Variants in LMF1 observed in about 807,000 individuals in gnomAD.
LMF1 encodes the protein lipase maturation factor 1.
A neutral mutation model predicts 60.6 loss-of-function variants in LMF1; 68 were observed. That is an observed-to-expected ratio of 1.12 (90% CI 0.92 to 1.37). LMF1 has a LOEUF of 1.37. Among genes scored for constraint, LMF1 ranks in the 40% most tolerant of loss-of-function variants. The probability of loss-of-function intolerance (pLI) is 0.00; values close to 1 mark genes in which losing one functional copy is unlikely to be tolerated. For missense variants in LMF1, 948 were observed against 767.2 expected, an observed-to-expected ratio of 1.24 and a Z score of -2.78; for synonymous variants, 418 against 324.7, an observed-to-expected ratio of 1.29 and a Z score of -3.09.
intron 3 of LMF1, among the ~76,000 whole-genome samples, chr16:918,401 G>A (rs2071337773): frequency 6.6e-6 from 1 of 152,218 alleles, no homozygotes. Flanking sequence ...ATCTTTATTG[G>A]TTTTGGATAA....
chr16:954,172 A>T (rs2072604038), intron 2 of LMF1, 185 bp downstream of exon 2: 1 of 716,776 alleles, frequency 1.4e-6, no homozygotes, highest in Non-Finnish European at 2.5e-6. Flanking sequence ...TTAATCCTGA[A>T]GATGGGTGGC....
chr16:978,045 CA>C, intron 1 of LMF1, among the ~76,000 whole-genome samples: 1 of 36,180 alleles, frequency 2.8e-5, no homozygotes, highest in East Asian at 5.2e-4. Flanking sequence ...ACACATCACA[CA>C]CACACAAACA....
intron 1 of LMF1, among the ~76,000 whole-genome samples, chr16:959,828 G>T (rs993592915): frequency 3.9e-5 from 6 of 152,032 alleles, no homozygotes; most frequent in Non-Finnish European, 8.8e-5. Flanking sequence ...GGGCCAGCAG[G>T]GAAGACTGGA....
At chr16:970,716 C>T in intron 1 of LMF1, 72 bp downstream of exon 1, 1 of 1,400,352 alleles carries the variant, frequency 7.1e-7, no homozygotes, top group South Asian at 1.3e-5. Context: ...GCGGAGGAGT[C>T]TCGAGGGAGG....
chr16:865,705 GTTC>G (rs769883098), intron 10 of LMF1, among the ~76,000 whole-genome samples: 4 of 152,154 alleles, frequency 2.6e-5, no homozygotes, highest in Non-Finnish European at 5.9e-5. Context: ...GAAGTTTTCA[GTTC>G]TTATTTCTCC....
chr16:959,884 G>C (rs1003783008), intron 1 of LMF1, among the ~76,000 whole-genome samples: 15 of 152,340 alleles, frequency 9.8e-5, no homozygotes, highest in African/African-American at 3.6e-4. Context: ...CCATGTTCCA[G>C]GACGGAAGGC....
At chr16:915,037 C>T (rs922384276) in intron 3 of LMF1, among the ~76,000 whole-genome samples, 4 of 152,376 alleles carry the variant, frequency 2.6e-5, no homozygotes, top group South Asian at 2.1e-4. Flanking sequence ...GGGCATCCCC[C>T]GAGGCCTGAG....
chr16:970,627 T>TCCTGCCCTG (rs979443998), intron 1 of LMF1, among the ~76,000 whole-genome samples, 161 bp downstream of exon 1: 2 of 151,978 alleles, frequency 1.3e-5, no homozygotes, highest in African/African-American at 4.8e-5. Flanking sequence ...GCAAGCCTTG[T>TCCTGCCCTG]CCTGCCCTGC....
At chr16:963,304 C>T (rs909804931) in intron 1 of LMF1, among the ~76,000 whole-genome samples, 23 of 152,102 alleles carry the variant, frequency 1.5e-4, no homozygotes, top group Non-Finnish European at 3.2e-4. Flanking sequence ...CCCTCAGCCC[C>T]GGCGGCCACA....
chr16:879,249 G>A (rs1198571280), intron 6 of LMF1, among the ~76,000 whole-genome samples: 1 of 152,200 alleles, frequency 6.6e-6, no homozygotes, highest in Non-Finnish European at 1.5e-5. Flanking sequence ...GGAATGTGGG[G>A]GTGTCCACAC....
upstream of LMF1, among the ~76,000 whole-genome samples, chr16:971,332 G>C (rs1053719291): frequency 1.3e-5 from 2 of 152,236 alleles, no homozygotes; most frequent in Non-Finnish European, 2.9e-5. Context: ...CCCTCCCCCA[G>C]CCAGGCGCCT....
At chr16:921,571 G>A (rs976004887) in intron 3 of LMF1, among the ~76,000 whole-genome samples, 4 of 152,212 alleles carry the variant, frequency 2.6e-5, no homozygotes, top group Non-Finnish European at 5.9e-5. Flanking sequence ...GGTGACGAGT[G>A]GGGATGACGG....
At chr16:870,093 C>A in intron 8 of LMF1, 27 bp from the exon 9 acceptor site, 1 of 1,595,788 alleles carries the variant, frequency 6.3e-7, no homozygotes, top group Non-Finnish European at 8.5e-7. Flanking sequence ...GCAGGCCAGG[C>A]CCACGTCACA....
chr16:915,379 C>T (rs1335683676), intron 3 of LMF1, among the ~76,000 whole-genome samples: 1 of 152,228 alleles, frequency 6.6e-6, no homozygotes, highest in East Asian at 1.9e-4. Context: ...CGCAGCCAAG[C>T]TCCTAGGCAC....
intron 4 of LMF1, among the ~76,000 whole-genome samples, chr16:909,445 C>T (rs1458912262): frequency 2.6e-5 from 4 of 152,100 alleles, no homozygotes; most frequent in South Asian, 2.1e-4. Flanking sequence ...CACAGAACCA[C>T]GCTATGCGCT....
intron 1 of LMF1, chr16:976,817 G>A (rs1389150626): frequency 2.2e-6 from 1 of 454,014 alleles, no homozygotes; most frequent in African/African-American, 2.0e-5. Context: ...TCCACGCTTT[G>A]GGCATCGCCT....
At chr16:918,119 G>C (rs2071331158) in intron 3 of LMF1, among the ~76,000 whole-genome samples, 1 of 152,224 alleles carries the variant, frequency 6.6e-6, no homozygotes, top group Non-Finnish European at 1.5e-5. Flanking sequence ...TGAAAGTGCT[G>C]GTTAAGGGCT....
intron 3 of LMF1, chr16:931,775 A>G: frequency 7.8e-7 from 1 of 1,287,162 alleles, no homozygotes; most frequent in Non-Finnish European, 1.0e-6. Context: ...GCGACAGTCC[A>G]AAGTGACGTG....
chr16:964,741 G>A (rs1201515148), intron 1 of LMF1, among the ~76,000 whole-genome samples: 3 of 152,136 alleles, frequency 2.0e-5, no homozygotes, highest in African/African-American at 7.2e-5. Context: ...TAGCAAATAC[G>A]GGTGCAAACG....
Sources: gnomAD v4.1 joint callset for allele counts (sites outside exome capture counted in the v4.1 genomes callset) on GRCh38, gnomAD v4.1.1 for gene constraint, MANE v1.5 for transcripts, NCBI Gene and HGNC (gene_info 2026-07-23, HGNC 2026-07-21) for gene names.